PBRM1: variants seen among roughly 807,000 people sequenced by gnomAD.
PBRM1 encodes the protein protein polybromo-1.
A neutral mutation model predicts 194.5 loss-of-function variants in PBRM1; 27 were observed. The ratio of observed to expected loss-of-function variants is 0.14; its 90% confidence interval spans 0.10 to 0.19. The LOEUF (loss-of-function observed/expected upper bound fraction) is 0.19. Ranked by LOEUF, PBRM1 falls within the 10% of genes least tolerant of loss-of-function variation. The pLI is 1.00. For missense variants in PBRM1, 1,466 were observed against 2,077.2 expected, an observed-to-expected ratio of 0.71 and a Z score of 5.72; for synonymous variants, 655 against 693.2, an observed-to-expected ratio of 0.94 and a Z score of 0.87.
upstream of PBRM1, among the ~76,000 whole-genome samples, chr3:52,682,688 G>A (rs1269756628): frequency 6.6e-6 from 1 of 152,142 alleles, no homozygotes; most frequent in Non-Finnish European, 1.5e-5. Context: ...ACCAGAATAG[G>A]AGTCCTAAGT....
At chr3:52,573,667 T>C (rs951646097) in intron 22 of PBRM1, among the ~76,000 whole-genome samples, 3 of 152,128 alleles carry the variant, frequency 2.0e-5, no homozygotes, top group African/African-American at 4.8e-5. Flanking sequence ...TATGGAGGAG[T>C]AGTGAGCTCT....
chr3:52,635,037 C>T (rs1261137311), intron 10 of PBRM1, among the ~76,000 whole-genome samples: 2 of 152,058 alleles, frequency 1.3e-5, no homozygotes, highest in African/African-American at 4.8e-5. Context: ...GCAGTTCTCC[C>T]AGATCAGTCT....
intron 2 of PBRM1, among the ~76,000 whole-genome samples, chr3:52,672,491 C>CTTT (rs34792299): frequency 1.9e-4 from 20 of 103,852 alleles, no homozygotes; most frequent in African/African-American, 4.5e-4. Context: ...TTTTTTTTGG[C>CTTT]TTTTTTTTTT....
intron 22 of PBRM1, among the ~76,000 whole-genome samples, chr3:52,571,226 G>A (rs1335567487): frequency 2.6e-5 from 4 of 151,884 alleles, no homozygotes; most frequent in Non-Finnish European, 5.9e-5. Flanking sequence ...GGGAGGCTGA[G>A]GCAGGAGAAT....
intron 4 of PBRM1, 106 bp from the exon 6 acceptor site, chr3:52,658,421 T>A: frequency 1.7e-6 from 1 of 585,774 alleles, no homozygotes; most frequent in South Asian, 2.0e-5. Flanking sequence ...ACTTTTTTTT[T>A]TTTTTTTGAG....
chr3:52,627,249 C>T, intron 13 of PBRM1, 24 bp downstream of exon 14: 2 of 1,310,378 alleles, frequency 1.5e-6, no homozygotes, highest in Non-Finnish European at 2.2e-6. Context: ...CTGAGATGTC[C>T]CCAGCTATAA....
At chr3:52,644,854 C>T (rs984025738) in intron 7 of PBRM1, 65 bp from the exon 9 acceptor site, 2 of 722,634 alleles carry the variant, frequency 2.8e-6, no homozygotes, top group South Asian at 3.2e-5. Context: ...ATGCCCCCAA[C>T]TCATGCAATG....
chr3:52,665,745 C>T (rs1375073120), intron 3 of PBRM1, among the ~76,000 whole-genome samples: 1 of 152,190 alleles, frequency 6.6e-6, no homozygotes, highest in East Asian at 1.9e-4. Flanking sequence ...CTGCCCCCTA[C>T]ATCCACTGCT....
intron 4 of PBRM1, among the ~76,000 whole-genome samples, chr3:52,659,170 C>T (rs1208271949): frequency 2.0e-5 from 3 of 152,176 alleles, no homozygotes; most frequent in Non-Finnish European, 2.9e-5. Context: ...TGGTTTATAC[C>T]TAGCTTAGTC....
At chr3:52,674,639 A>ATAT (rs1553892017) in intron 2 of PBRM1, among the ~76,000 whole-genome samples, 1 of 129,052 alleles carries the variant, frequency 7.7e-6, no homozygotes, top group Non-Finnish European at 1.6e-5. Context: ...AAAAAAAAAA[A>ATAT]AAAAATATAT....
At chr3:52,573,387 G>A (rs559992222) in intron 22 of PBRM1, among the ~76,000 whole-genome samples, 12 of 151,884 alleles carry the variant, frequency 7.9e-5, no homozygotes, top group African/African-American at 2.9e-4. Context: ...TCCACCTCTC[G>A]GGTTCAAACA....
At chr3:52,618,744 G>A (rs1180577670) in intron 13 of PBRM1, among the ~76,000 whole-genome samples, 2 of 149,692 alleles carry the variant, frequency 1.3e-5, no homozygotes, top group African/African-American at 2.5e-5. Flanking sequence ...ACAGGCGCCT[G>A]CCACGACGCC....
intron 3 of PBRM1, among the ~76,000 whole-genome samples, chr3:52,662,824 TAAA>T (rs34605756): frequency 3.8e-5 from 5 of 130,696 alleles, no homozygotes; most frequent in Non-Finnish European, 4.9e-5. Context: ...GACTCTGTCT[TAAA>T]AAAAAAAAAA....
At chr3:52,576,506 T>A (rs747977125) in intron 22 of PBRM1, 35 bp downstream of exon 24, 42 of 1,547,342 alleles carry the variant, frequency 2.7e-5, no homozygotes, top group Non-Finnish European at 8.8e-7. Context: ...TTTGATGGAA[T>A]AAACACGATT....
intron 10 of PBRM1, among the ~76,000 whole-genome samples, chr3:52,641,323 T>C (rs551569905): frequency 4.7e-4 from 71 of 151,744 alleles, no homozygotes; most frequent in Non-Finnish European, 8.0e-4. Context: ...GGCGCGTGTC[T>C]GTAGTCCCAG....
exon 11 of PBRM1, chr3:52,634,705 G>C: frequency 6.2e-7 from 1 of 1,613,348 alleles, no homozygotes; most frequent in Non-Finnish European, 8.5e-7. Context: ...AGCTGCCCTT[G>C]GTTATTCCGA....
intron 4 of PBRM1, among the ~76,000 whole-genome samples, chr3:52,660,300 T>C (rs1431406640): frequency 6.6e-6 from 1 of 152,178 alleles, no homozygotes; most frequent in Non-Finnish European, 1.5e-5. Context: ...GCTTCTCCTG[T>C]ATTCATATTA....
chr3:52,648,659 C>T lies in PBRM1; in HGVS notation c.715-217G>A, dbSNP rs1406003942. On this transcript the variant is annotated intron_variant, in intron 6 of 29. Coordinates refer to ENST00000296302, the Ensembl canonical transcript of PBRM1. ...TTTGAGATAGGTAACAAAACCAGAGCTGCATTATTCTCATAAAAATAAATT... is the reference window on the plus strand; with the variant it reads ...TTTGAGATAGGTAACAAAACCAGAGTTGCATTATTCTCATAAAAATAAATT... Among the ~76,000 whole-genome samples the T allele has an allele frequency of 2.0e-5, 3 of 152,262 alleles. No homozygotes were observed. In the East Asian group the frequency reaches 5.8e-4, roughly 29 times the overall value.
chr3:52,583,924 C>T (rs758279617), intron 20 of PBRM1, among the ~76,000 whole-genome samples: 1 of 152,068 alleles, frequency 6.6e-6, no homozygotes, highest in Admixed American at 6.6e-5. Flanking sequence ...GGATTACAGG[C>T]GTGTGACACT....
Sources: gnomAD v4.1 joint callset for allele counts (sites outside exome capture counted in the v4.1 genomes callset) on GRCh38, gnomAD v4.1.1 for gene constraint, MANE v1.5 for transcripts, NCBI Gene and HGNC (gene_info 2026-07-23, HGNC 2026-07-21) for gene names.